The following PCDH9 variants were observed in gnomAD, a reference collection of about 807,000 sequenced individuals.
PCDH9 encodes the protein protocadherin-9.
In PCDH9, 24 loss-of-function variants were observed where a neutral mutation model predicts 70.6. The ratio of observed to expected loss-of-function variants is 0.34; its 90% CI spans 0.25 to 0.48. The LOEUF (loss-of-function observed/expected upper bound fraction) is 0.48, where lower values mean the gene tolerates loss of function less well. Ranked by LOEUF, PCDH9 falls within the 20% of genes least tolerant of loss-of-function variation. The pLI is 0.99. For synonymous variants in PCDH9, 562 were observed against 558.5 expected, an observed-to-expected ratio of 1.01 and a Z score of -0.09; for missense variants, 1,281 against 1,503.6, an observed-to-expected ratio of 0.85 and a Z score of 2.45.
At chr13:67,068,506 T>G (rs1011304659) in intron 2 of PCDH9, among the ~76,000 whole-genome samples, 3 of 152,120 alleles carry the variant, frequency 2.0e-5, no homozygotes, top group African/African-American at 7.2e-5. Context: ...TTATATTTAA[T>G]CATAATACCT....
chr13:67,109,754 T>C (rs906924690), intron 2 of PCDH9, among the ~76,000 whole-genome samples: 5 of 152,174 alleles, frequency 3.3e-5, no homozygotes, highest in Non-Finnish European at 7.4e-5. Context: ...TTGGGTTAAT[T>C]TTTAAAAGCT....
intron 4 of PCDH9, among the ~76,000 whole-genome samples, chr13:66,466,358 A>G (rs891291226): frequency 2.0e-5 from 3 of 151,926 alleles, no homozygotes; most frequent in African/African-American, 7.3e-5. Context: ...TTCACCAATA[A>G]CCCTACTTTG....
At chr13:66,932,776 T>G (rs1260074373) in intron 2 of PCDH9, among the ~76,000 whole-genome samples, 1 of 150,602 alleles carries the variant, frequency 6.6e-6, no homozygotes, top group East Asian at 1.9e-4. Context: ...TTTTAACTTA[T>G]ACATTACAAA....
intron 4 of PCDH9, among the ~76,000 whole-genome samples, chr13:66,490,088 A>T (rs190714127): frequency 6.6e-6 from 1 of 152,320 alleles, no homozygotes; most frequent in East Asian, 1.9e-4. Context: ...CCATTAACTC[A>T]TCACTTACAT....
intron 3 of PCDH9, among the ~76,000 whole-genome samples, chr13:66,747,545 C>T (rs201264394): frequency 6.6e-6 from 1 of 152,084 alleles, no homozygotes; most frequent in African/African-American, 2.4e-5. Flanking sequence ...ATAGATTATA[C>T]ATGAAATGCA....
chr13:66,699,911 T>A (rs1416442207), intron 3 of PCDH9, among the ~76,000 whole-genome samples: 1 of 139,600 alleles, frequency 7.2e-6, no homozygotes, highest in East Asian at 2.4e-4. Flanking sequence ...AGTGAGGGAC[T>A]GCGTTAGGCT....
At chr13:67,140,029 C>CCA (rs1555311532) in intron 2 of PCDH9, among the ~76,000 whole-genome samples, 2 of 106,444 alleles carry the variant, frequency 1.9e-5, no homozygotes, top group African/African-American at 3.6e-5. Flanking sequence ...TTGATCACCC[C>CCA]CCCCCCCCCG....
At chr13:66,486,441 A>T (rs1958943949) in intron 4 of PCDH9, among the ~76,000 whole-genome samples, 2 of 140,276 alleles carry the variant, frequency 1.4e-5, no homozygotes, top group South Asian at 4.9e-4. Context: ...TGGGTGACAG[A>T]GCTAGACCCT....
At chr13:66,311,719 T>C (rs141818086) in intron 4 of PCDH9, among the ~76,000 whole-genome samples, 10 of 152,158 alleles carry the variant, frequency 6.6e-5, no homozygotes, top group African/African-American at 2.4e-4. Context: ...CAGACCACTT[T>C]ATTCTATGCC....
chr13:66,677,037 T>C (rs1364546593), intron 3 of PCDH9, among the ~76,000 whole-genome samples: 1 of 152,068 alleles, frequency 6.6e-6, no homozygotes, highest in Non-Finnish European at 1.5e-5. Flanking sequence ...AAGATACAGA[T>C]AGTGACACAG....
chr13:67,070,776 G>A (rs545882130), intron 2 of PCDH9, among the ~76,000 whole-genome samples: 1 of 152,184 alleles, frequency 6.6e-6, no homozygotes, highest in Non-Finnish European at 1.5e-5. Context: ...GTTCAATTGA[G>A]TTCTGGAATG....
intron 2 of PCDH9, among the ~76,000 whole-genome samples, chr13:67,064,929 T>C (rs1209302706): frequency 1.3e-5 from 2 of 149,972 alleles, no homozygotes; most frequent in Non-Finnish European, 3.0e-5. Flanking sequence ...GATAGATAGA[T>C]AGATAGATAG....
chr13:66,734,120 A>T (rs1005987655), intron 3 of PCDH9, among the ~76,000 whole-genome samples: 2 of 152,180 alleles, frequency 1.3e-5, no homozygotes, highest in African/African-American at 4.8e-5. Flanking sequence ...ATTTTAGGGT[A>T]GGGGCTTTGG....
chr13:67,213,211 AAAAAAAAAAAAAAAAAAAAAAAAAAAAG>A (rs1446246733), intron 2 of PCDH9: 3 of 62,626 alleles, frequency 4.8e-5, no homozygotes, highest in African/African-American at 1.5e-4. Flanking sequence ...CGTCACAAAA[AAAAAAAAAAAAAAAAAAAAAAAAAAAAG>A]AAAAAAAAAA....
At position 66,730,876 on chromosome 13, in the gene PCDH9, G is replaced by GTTTTTTTT. The variant is rs758928616; in HGVS notation, c.3139-99473_3139-99466dup. Among the ~76,000 whole-genome samples the GTTTTTTTT allele has an allele frequency of 6.6e-3, 308 of 46,330 alleles. 30 individuals are homozygous for GTTTTTTTT. The highest frequency in any genetic ancestry group is 0.017 in the African/African-American group (226 of 13,250). The allele number at this position is 46,330 out of a possible 152,430, so 30.4% of individuals were successfully genotyped here. A position where few individuals can be genotyped will look rare whatever the true frequency, so the allele number is the denominator to read the frequency against. ...TGTTTTTGTTTTTTTGTGTGTGTGT[G>GTTTTTTTT]TTTTTTTTTTGTTTGTTTCTTTTTT... On this transcript the variant is annotated intron_variant, in intron 3 of 4. Transcript: ENST00000377865.
chr13:66,940,351 T>C (rs1008907612), intron 2 of PCDH9, among the ~76,000 whole-genome samples: 1 of 152,172 alleles, frequency 6.6e-6, no homozygotes, highest in African/African-American at 2.4e-5. Context: ...TTTGTTGTTG[T>C]TGTTGTCGTC....
At chr13:67,128,308 A>C (rs2087028106) in intron 2 of PCDH9, among the ~76,000 whole-genome samples, 3 of 152,192 alleles carry the variant, frequency 2.0e-5, no homozygotes, top group Admixed American at 2.0e-4. Context: ...CAGACATGTC[A>C]ATCAAAGATA....
At chr13:66,568,889 G>T (rs1593696388) in intron 4 of PCDH9, among the ~76,000 whole-genome samples, 1 of 151,188 alleles carries the variant, frequency 6.6e-6, no homozygotes, top group South Asian at 2.1e-4. Context: ...AACAGTAGTT[G>T]AATACAGGAG....
chr13:66,632,006 G>C (rs980877534), intron 3 of PCDH9, among the ~76,000 whole-genome samples: 1 of 152,144 alleles, frequency 6.6e-6, no homozygotes, highest in Non-Finnish European at 1.5e-5. Context: ...CGATTCTCCT[G>C]TCTCAGCCTT....
Sources: allele counts gnomAD v4.1 joint callset (sites outside exome capture counted in the v4.1 genomes callset), GRCh38; gene constraint gnomAD v4.1.1; transcripts MANE v1.5; gene names NCBI Gene and HGNC (gene_info 2026-07-23, HGNC 2026-07-21).